The following SCO1 variants were observed in gnomAD, a reference collection of about 807,000 sequenced individuals.
SCO1 encodes the protein cytochrome c oxidase assembly factor SCO1.
SCO1 carries 23 observed loss-of-function variants against 34.0 expected under a neutral mutation model. That is an observed-to-expected ratio of 0.68 (90% confidence interval 0.49 to 0.96). The LOEUF is 0.96. Ranked by LOEUF, SCO1 falls within the 40% of genes least tolerant of loss-of-function variation. SCO1 has a pLI of 0.00. For synonymous variants in SCO1, 161 were observed against 145.5 expected, an observed-to-expected ratio of 1.11 and a Z score of -0.77; for missense variants, 404 against 381.6, an observed-to-expected ratio of 1.06 and a Z score of -0.49.
intron 2 of SCO1, among the ~76,000 whole-genome samples, chr17:10,695,251 T>C (rs1435514652): frequency 6.6e-6 from 1 of 152,178 alleles, no homozygotes; most frequent in East Asian, 1.9e-4. Flanking sequence ...CACAACATGG[T>C]AAGCTTCCTT....
chr17:10,681,301 T>C, intron 5 of SCO1, 48 bp from the exon 6 acceptor site: 1 of 1,589,814 alleles, frequency 6.3e-7, no homozygotes, highest in South Asian at 1.1e-5. Flanking sequence ...CAAAATAAGC[T>C]GCTTATTTTA....
At position 10,673,031 on chromosome 17, in the gene SCO1, G is replaced by A. The variant is rs1404987396; in HGVS notation, c.*8088C>T. 2.7e-5 allele frequency: 4 copies of A among 145,984 alleles called. No individual in the cohort carries two copies. Among genetic ancestry groups the A allele is most frequent in the Middle Eastern group, 3.5e-3 (1 of 288 alleles). The allele number at this position is 145,984 out of a possible 1,614,324, so 9.0% of individuals were successfully genotyped here. A position where few individuals can be genotyped will look rare whatever the true frequency, so the allele number is the denominator to read the frequency against. ...TCTTTTTTTTTTTTTTTGAGATGGA[G>A]TCTTGCCCTGTTGCCAGGCTGGAGT... On this transcript the variant is annotated 3_prime_UTR_variant, in exon 6 of 6. Coordinates refer to ENST00000255390, the MANE Select transcript of SCO1 (RefSeq NM_004589.4).
intron 5 of SCO1, among the ~76,000 whole-genome samples, chr17:10,683,733 G>T (rs2074636560): frequency 6.7e-6 from 1 of 149,448 alleles, no homozygotes; most frequent in African/African-American, 2.4e-5. Flanking sequence ...TAATAATATA[G>T]TATTATATAT....
At position 10,675,826 on chromosome 17, in the gene SCO1, G is replaced by C. The variant is rs1201700289; in HGVS notation, c.*5293C>G. ...AACGCCACCCTATGTTTAAGAATGG[G>C]AAGAGAGGCTTGGCGGGGAGGGTTG... is the stretch of plus-strand genomic sequence containing the variant. On this transcript the variant is annotated 3_prime_UTR_variant, in exon 6 of 6. Transcript: ENST00000255390. 6.6e-6 allele frequency: 1 copy of C among 152,168 alleles called. No homozygotes were observed. Among genetic ancestry groups the C allele is most frequent in the Non-Finnish European group, 1.5e-5 (1 of 68,028 alleles). The allele number at this position is 152,168 out of a possible 1,614,324, so 9.4% of individuals were successfully genotyped here.
At chr17:10,688,516 G>C (rs2074670518) in intron 4 of SCO1, among the ~76,000 whole-genome samples, 1 of 152,170 alleles carries the variant, frequency 6.6e-6, no homozygotes, top group African/African-American at 2.4e-5. Flanking sequence ...ATGCTGTGGA[G>C]GAGCTGGGAC....
intron 1 of SCO1, among the ~76,000 whole-genome samples, chr17:10,696,477 C>A (rs958425889): frequency 2.0e-5 from 3 of 152,046 alleles, no homozygotes; most frequent in Non-Finnish European, 2.9e-5. Flanking sequence ...AACACACACA[C>A]AAAAAACAAT....
chr17:10,693,018 C>T, intron 2 of SCO1, 57 bp from the exon 3 acceptor site: 3 of 1,450,224 alleles, frequency 2.1e-6, no homozygotes, highest in Non-Finnish European at 2.9e-6. Flanking sequence ...ACCAGAGGTA[C>T]TCAAATACCT....
At chr17:10,686,971 T>C (rs2074660745) in intron 4 of SCO1, 129 bp from the exon 5 acceptor site, 1 of 700,444 alleles carries the variant, frequency 1.4e-6, no homozygotes, top group South Asian at 1.5e-5. Flanking sequence ...CAAACATTTC[T>C]TCACGATTCA....
intron 4 of SCO1, among the ~76,000 whole-genome samples, chr17:10,688,274 A>T (rs989546249): frequency 1.3e-4 from 20 of 152,240 alleles, no homozygotes; most frequent in African/African-American, 4.1e-4. Flanking sequence ...TTGTATCCAG[A>T]ATATAAATAA....
At chr17:10,690,090 T>C (rs1427079479) in intron 4 of SCO1, among the ~76,000 whole-genome samples, 1 of 152,166 alleles carries the variant, frequency 6.6e-6, no homozygotes, top group Non-Finnish European at 1.5e-5. Context: ...ACTATAAAAT[T>C]AGTAGAAGAA....
At chr17:10,688,584 G>T (rs542176275) in intron 4 of SCO1, among the ~76,000 whole-genome samples, 1 of 152,300 alleles carries the variant, frequency 6.6e-6, no homozygotes, top group African/African-American at 2.4e-5. Context: ...CAGGTTCTCA[G>T]TGTCTTAGAA....
intron 4 of SCO1, among the ~76,000 whole-genome samples, chr17:10,689,607 TGTAGTCTTTA>T (rs1366978336): frequency 7.9e-5 from 12 of 152,220 alleles, no homozygotes; most frequent in Admixed American, 7.2e-4. Flanking sequence ...TACTATAATC[TGTAGTCTTTA>T]AAAGTGCCTA....
rs1017957301 is a variant in SCO1, at chr17:10,676,449, G to A, written c.*4670C>T. ...TCTTTCAGAGGCACATGCTGGGAAT[G>A]GGCTGGGGTGGCAGTGGGTGGGGGG... On this transcript the variant is annotated 3_prime_UTR_variant, in exon 6 of 6. Coordinates refer to ENST00000255390, the MANE Select transcript of SCO1 (RefSeq NM_004589.4). 3 of 152,194 alleles carry A rather than the reference G, an allele frequency of 2.0e-5. No individual in the cohort carries two copies. The highest frequency in any genetic ancestry group is 4.4e-5 in the Non-Finnish European group (3 of 68,052). 9.4% of individuals were successfully genotyped at this position (152,194 alleles called of 1,614,324 possible). A position where few individuals can be genotyped will look rare whatever the true frequency, so the allele number is the denominator to read the frequency against.
At chr17:10,692,733 T>TAA in intron 3 of SCO1, 31 bp downstream of exon 3, 1 of 1,547,334 alleles carries the variant, frequency 6.5e-7, no homozygotes. Flanking sequence ...AGTAAACATA[T>TAA]ACTTTGTTTA....
intron 1 of SCO1, 84 bp from the exon 2 acceptor site, chr17:10,695,915 T>C: frequency 1.0e-6 from 1 of 976,628 alleles, no homozygotes; most frequent in Non-Finnish European, 1.6e-6. Flanking sequence ...TAGTTTTTAA[T>C]ATACATACAC....
chr17:10,697,368 C>A lies in SCO1; in HGVS notation c.140G>T (p.Arg47Leu). Residue 47 changes from arginine (R) to leucine (L), a missense_variant, in exon 1 of 6, where the codon CGG (arginine) becomes CTG (leucine). Coordinates refer to ENST00000255390, the MANE Select transcript of SCO1 (RefSeq NM_004589.4). The part of the protein sequence containing the change: ...ARVLLRQFCA[R>L]QAEAWRASGR... The stretch of plus-strand genomic sequence containing the variant: ...CGAGGCACGCCACGCCTCCGCTTGC[C>A]GCGCGCAGAACTGCCTCAGCAAGAC... The A allele has an allele frequency of 1.3e-6, 2 of 1,595,592 alleles. No individual in the cohort carries two copies. The highest frequency in any genetic ancestry group is 1.7e-6 in the Non-Finnish European group (2 of 1,170,956).
In SCO1 at chr17:10,677,336, A is replaced by G. The variant is rs1343366037; in HGVS notation, c.*3783T>C. ...AAAAAGAAACAAATAACAACAACAA[A>G]ATAAAAACCAAAAAAAAGTACAAAC... On this transcript the variant is annotated 3_prime_UTR_variant, in exon 6 of 6. Transcript: ENST00000255390. 2 of 152,072 alleles carry G rather than the reference A, an allele frequency of 1.3e-5. No homozygotes were observed. Among genetic ancestry groups the G allele is most frequent in the East Asian group, 3.9e-4 (2 of 5,188 alleles). 9.4% of individuals were successfully genotyped at this position (152,072 alleles called of 1,614,324 possible).
chr17:10,691,542 T>A, intron 4 of SCO1, among the ~76,000 whole-genome samples: 1 of 152,260 alleles, frequency 6.6e-6, no homozygotes, highest in Non-Finnish European at 1.5e-5. Flanking sequence ...GATTTTACAA[T>A]GCAGAGAATG....
chr17:10,685,570 G>A (rs1375364609), intron 5 of SCO1, among the ~76,000 whole-genome samples: 1 of 152,172 alleles, frequency 6.6e-6, no homozygotes, highest in Non-Finnish European at 1.5e-5. Flanking sequence ...CAGAATTTCT[G>A]TTCCTTATCA....
Sources: allele counts gnomAD v4.1 joint callset (sites outside exome capture counted in the v4.1 genomes callset), GRCh38; gene constraint gnomAD v4.1.1; transcripts MANE v1.5; gene names NCBI Gene and HGNC (gene_info 2026-07-23, HGNC 2026-07-21).